Variants in TMEM178B observed in about 807,000 individuals in gnomAD.
The protein encoded by TMEM178B is transmembrane protein 178B.
A neutral mutation model predicts 31.0 loss-of-function variants in TMEM178B; 5 were observed. The ratio of observed to expected loss-of-function variants is 0.16; its 90% CI spans 0.08 to 0.34. TMEM178B has a LOEUF of 0.34. Among genes scored for constraint, TMEM178B ranks in the 10% least tolerant of loss-of-function variants. TMEM178B has a pLI of 1.00. For missense variants in TMEM178B, 275 were observed against 400.3 expected, an observed-to-expected ratio of 0.69 and a Z score of 2.67; for synonymous variants, 164 against 164.0, an observed-to-expected ratio of 1.00 and a Z score of 0.00.
intron 2 of TMEM178B, among the ~76,000 whole-genome samples, chr7:141,337,722 A>T (rs1301816593): frequency 6.6e-6 from 1 of 152,224 alleles, no homozygotes; most frequent in African/African-American, 2.4e-5. Flanking sequence ...AGGTCAGTGC[A>T]TACTTTGTCA....
intron 2 of TMEM178B, among the ~76,000 whole-genome samples, chr7:141,224,080 G>A (rs1797301156): frequency 6.6e-6 from 1 of 152,126 alleles, no homozygotes. Flanking sequence ...GAGATCTGAT[G>A]TTTTTATAAA....
chr7:141,146,002 T>C lies in TMEM178B; in HGVS notation c.383-66589T>C, dbSNP rs553762671. ...TGTTGGAGTAACAAGGGGAAGGGATTTCTTATTTGTTGAGTGCTTACTATA... is the reference window on the plus strand; with the variant it reads ...TGTTGGAGTAACAAGGGGAAGGGATCTCTTATTTGTTGAGTGCTTACTATA... On this transcript the variant is annotated intron_variant, in intron 1 of 3. Transcript: ENST00000565468. Among the ~76,000 whole-genome samples, 14 of 152,266 alleles carry C rather than the reference T, an allele frequency of 9.2e-5. No homozygotes were observed. The South Asian group carries it at 2.9e-3, about 32-fold the overall frequency.
chr7:141,112,901 A>G (rs1355159101), intron 1 of TMEM178B, among the ~76,000 whole-genome samples: 1 of 152,206 alleles, frequency 6.6e-6, no homozygotes, highest in East Asian at 1.9e-4. Context: ...TTACTCCTCT[A>G]GCCCCTCATG....
chr7:141,483,018 C>T (rs1802502834), downstream of TMEM178B, among the ~76,000 whole-genome samples: 1 of 152,106 alleles, frequency 6.6e-6, no homozygotes, highest in African/African-American at 2.4e-5. Context: ...AAACTGATGA[C>T]CCATGGCCAA....
At chr7:141,504,959 A>G in the TMEM178B span, among the ~76,000 whole-genome samples, 1 of 152,248 alleles carries the variant, frequency 6.6e-6, no homozygotes, top group Admixed American at 6.5e-5. Context: ...AGGTCCTAAC[A>G]TATTTTTTTA....
At chr7:141,116,746 T>TAAGGA in intron 1 of TMEM178B, among the ~76,000 whole-genome samples, 1 of 152,282 alleles carries the variant, frequency 6.6e-6, no homozygotes, top group Middle Eastern at 3.4e-3. Flanking sequence ...AACTCCTACT[T>TAAGGA]ACGAGTGAGA....
chr7:141,149,010 G>A (rs1268790970), intron 1 of TMEM178B, among the ~76,000 whole-genome samples: 1 of 152,136 alleles, frequency 6.6e-6, no homozygotes, highest in African/African-American at 2.4e-5. Flanking sequence ...TGAAGTGGAG[G>A]GCAGTAGGGA....
chr7:141,154,443 G>C (rs1455455484), intron 1 of TMEM178B, among the ~76,000 whole-genome samples: 2 of 152,236 alleles, frequency 1.3e-5, no homozygotes, highest in Admixed American at 6.5e-5. Context: ...TGTGCAGTTA[G>C]TTCTGCAGAG....
At chr7:141,216,446 TGTGC>T (rs1563120698) in intron 2 of TMEM178B, among the ~76,000 whole-genome samples, 1 of 53,422 alleles carries the variant, frequency 1.9e-5, no homozygotes, top group Non-Finnish European at 5.9e-5. Context: ...TGTGTGTGTG[TGTGC>T]GCGCGCGCGC....
At chr7:141,358,439 C>T (rs1226634069) in intron 2 of TMEM178B, among the ~76,000 whole-genome samples, 2 of 151,954 alleles carry the variant, frequency 1.3e-5, no homozygotes, top group Non-Finnish European at 2.9e-5. Context: ...TATAAAGATG[C>T]AAAAAAGTAC....
chr7:141,354,130 C>A (rs1799779627), intron 2 of TMEM178B, among the ~76,000 whole-genome samples: 1 of 152,214 alleles, frequency 6.6e-6, no homozygotes, highest in Non-Finnish European at 1.5e-5. Context: ...AAAGAGTCTA[C>A]AGTCTTTTAG....
intron 2 of TMEM178B, among the ~76,000 whole-genome samples, chr7:141,329,432 C>T (rs1032323940): frequency 3.9e-5 from 6 of 152,298 alleles, no homozygotes; most frequent in African/African-American, 1.4e-4. Context: ...TGCAAGGCAG[C>T]GTACAGCCTC....
intron 2 of TMEM178B, among the ~76,000 whole-genome samples, chr7:141,250,517 GAC>G (rs1356876224): frequency 6.6e-6 from 1 of 152,218 alleles, no homozygotes; most frequent in Non-Finnish European, 1.5e-5. Context: ...AAGAAAGCAT[GAC>G]AGAGTAGGGA....
chr7:141,169,694 G>A (rs1796318041), intron 1 of TMEM178B, among the ~76,000 whole-genome samples: 1 of 152,162 alleles, frequency 6.6e-6, no homozygotes, highest in African/African-American at 2.4e-5. Context: ...AGGTGAAAAA[G>A]ACACTTGTCC....
chr7:141,329,021 C>G (rs926275441), intron 2 of TMEM178B, among the ~76,000 whole-genome samples: 1 of 152,122 alleles, frequency 6.6e-6, no homozygotes, highest in Non-Finnish European at 1.5e-5. Flanking sequence ...ATGTCCCCCC[C>G]AGTCTATAAT....
At chr7:141,290,559 G>A (rs1314326481) in intron 2 of TMEM178B, among the ~76,000 whole-genome samples, 1 of 152,022 alleles carries the variant, frequency 6.6e-6, no homozygotes, top group African/African-American at 2.4e-5. Flanking sequence ...ACACGTGCAT[G>A]CACACACGCA....
chr7:141,228,610 A>G (rs553932462), intron 2 of TMEM178B, among the ~76,000 whole-genome samples: 120 of 152,300 alleles, frequency 7.9e-4, no homozygotes, highest in African/African-American at 2.7e-3. Context: ...GGTGCCCTCC[A>G]TATCGGCTGT....
Position 141,333,999 on chromosome 7 carries a change from G to A in TMEM178B, c.497-103609G>A, listed in dbSNP as rs577255797. 6.5e-4 allele frequency among the ~76,000 whole-genome samples: 99 copies of A among 152,276 alleles called. 1 individual carries two copies. In the South Asian group the frequency reaches 0.02, roughly 30 times the overall value. On this transcript the variant is annotated intron_variant, in intron 2 of 3. Transcript: ENST00000565468. ...CTGCTGTGGGGCCCGCTTCCTAACA[G>A]GGGGAACCCCTGCTCTAAGGGCCCA...
Position 141,338,715 on chromosome 7 carries a change from T to A in TMEM178B, c.497-98893T>A, listed in dbSNP as rs547202838. On this transcript the variant is annotated intron_variant, in intron 2 of 3. Transcript: ENST00000565468. ...CCAAACTGTCCCCCTGGCCAGCCAC[T>A]GGCCTATGCAGCAGTGTGGTGGGTG... 5.3e-5 allele frequency among the ~76,000 whole-genome samples: 8 copies of A among 152,372 alleles called. No individual in the cohort carries two copies. In the East Asian group the frequency reaches 1.5e-3, roughly 29 times the overall value.
Sources: gnomAD v4.1 joint callset for allele counts (sites outside exome capture counted in the v4.1 genomes callset) on GRCh38, gnomAD v4.1.1 for gene constraint, MANE v1.5 for transcripts, NCBI Gene and HGNC (gene_info 2026-07-23, HGNC 2026-07-21) for gene names.